Variants in GREP1 observed in about 807,000 individuals in gnomAD.
GREP1 encodes the protein glycine rich extracellular protein 1.
rs2072464071 is a variant in GREP1, at chr16:3,001,884, GA to G, written c.*299del. ...GACTCGATCAACGCCTGCCCTCAGG[GA>G]GGGCATCACTTGGTGACCGCCTAGC... On this transcript the variant is annotated 3_prime_UTR_variant, in exon 35 of 35. Transcript: ENST00000573315. 3 of 368,040 alleles carry G rather than the reference GA, an allele frequency of 8.2e-6. No homozygotes were observed. The East Asian group carries it at 1.2e-4, about 14-fold the overall frequency. The allele number at this position is 368,040 out of a possible 1,614,324, so 22.8% of individuals were successfully genotyped here. A position where few individuals can be genotyped will look rare whatever the true frequency, so the allele number is the denominator to read the frequency against.
intron 10 of GREP1, 63 bp downstream of exon 11, chr16:2,993,026 G>A (rs1267318623): frequency 2.5e-6 from 1 of 398,424 alleles, no homozygotes; most frequent in Non-Finnish European, 4.4e-6. Context: ...TGCTTCCCTA[G>A]AGTCCCTGAT....
chr16:2,995,855 A>G lies in GREP1; in HGVS notation c.623-2A>G, dbSNP rs2072421974. 5.0e-6 allele frequency: 2 copies of G among 397,976 alleles called. No individual in the cohort carries two copies. The highest frequency in any genetic ancestry group is 4.4e-6 in the Non-Finnish European group (1 of 225,952). The allele number at this position is 397,976 out of a possible 1,614,324, so 24.7% of individuals were successfully genotyped here. On this transcript the variant is annotated splice_acceptor_variant, in intron 17 of 34. Transcript: ENST00000573315. LOFTEE classifies it high-confidence loss of function. ...CTCTACTCATGCTCCCTCCCTCTCC[A>G]GGATATGGGAAAAGGCTGAGAGCAG...
chr16:3,001,592 G>A (rs1046745050), exon 35 of GREP1: 2 of 399,140 alleles, frequency 5.0e-6, no homozygotes, highest in Non-Finnish European at 8.8e-6. Flanking sequence ...GCTGAGCACT[G>A]CAATGCCCCT....
chr16:2,997,594 A>G (rs2072432479), intron 22 of GREP1, among the ~76,000 whole-genome samples: 1 of 151,688 alleles, frequency 6.6e-6, no homozygotes, highest in African/African-American at 2.4e-5. Context: ...CCAGTTCCTA[A>G]ATTGGGAGGA....
At chr16:2,990,560 A>C (rs893889706) in exon 7 of GREP1, 9 of 399,026 alleles carry the variant, frequency 2.3e-5, no homozygotes, top group Non-Finnish European at 3.5e-5. Context: ...AGGGTTCAGG[A>C]CCTTCGCAGG....
rs2072415643 is a variant in GREP1 at position 2,994,696 on chromosome 16, A to C, written c.386-2A>C. 5.0e-6 allele frequency: 2 copies of C among 398,558 alleles called. No homozygotes were observed. The highest frequency in any genetic ancestry group is 8.9e-6 in the Non-Finnish European group (2 of 225,888). The allele number at this position is 398,558 out of a possible 1,614,324, so 24.7% of individuals were successfully genotyped here. A position where few individuals can be genotyped will look rare whatever the true frequency, so the allele number is the denominator to read the frequency against. Reference sequence around the variant, plus strand: ...GGCCTTAACCCTTTCTCTCCTCCACAGGCCCCACCACTCAAAATGGCTATA... The same window carrying C: ...GGCCTTAACCCTTTCTCTCCTCCACCGGCCCCACCACTCAAAATGGCTATA... On this transcript the variant is annotated splice_acceptor_variant, in intron 10 of 34. Coordinates refer to ENST00000573315, the Ensembl canonical transcript of GREP1. LOFTEE classifies it high-confidence loss of function.
In GREP1 at chr16:2,992,894, G is replaced by A. The variant is rs2072406070; in HGVS notation, c.353-37G>A. The A allele has an allele frequency of 2.5e-6, 1 of 399,096 alleles. No homozygotes were observed. The allele number at this position is 399,096 out of a possible 1,614,324, so 24.7% of individuals were successfully genotyped here. A position where few individuals can be genotyped will look rare whatever the true frequency, so the allele number is the denominator to read the frequency against. On this transcript the variant is annotated intron_variant, in intron 9 of 34. Coordinates refer to ENST00000573315, the Ensembl canonical transcript of GREP1. The surrounding 1 kb of genome is among the most constrained non-coding windows in gnomAD (Gnocchi z 4.9). ...GGCTGAGATTCTGGGCACAGGCCCAGAGGAAAGGATCCCTCACCCTCTCAT... is the reference window on the plus strand; with the variant it reads ...GGCTGAGATTCTGGGCACAGGCCCAAAGGAAAGGATCCCTCACCCTCTCAT...
At chr16:2,997,425 G>A (rs555763701) in intron 22 of GREP1, 23 of 398,846 alleles carry the variant, frequency 5.8e-5, no homozygotes, top group African/African-American at 3.7e-4. Context: ...GCAGGTACTG[G>A]GGGGCTGGAG....
Position 2,989,874 on chromosome 16 carries a change from G to T in GREP1, c.131-100G>T. 2.5e-6 allele frequency: 1 copy of T among 398,790 alleles called. No homozygotes were observed. The highest frequency in any genetic ancestry group is 1.3e-4 in the South Asian group (1 of 7,706). The allele number at this position is 398,790 out of a possible 1,614,324, so 24.7% of individuals were successfully genotyped here. On this transcript the variant is annotated intron_variant, in intron 3 of 34. Transcript: ENST00000573315. This position sits in a 1 kb window ranked among gnomAD's most constrained non-coding sequence, Gnocchi z 4.2. ...CCCTCCCCCATCATGGGAAGGGACT[G>T]AGTTCCCACAGGCCCACTGCTTGGA... is the stretch of plus-strand genomic sequence containing the variant.
At chr16:3,000,220 C>A in intron 29 of GREP1, 102 bp downstream of exon 26, 1 of 399,480 alleles carries the variant, frequency 2.5e-6, no homozygotes, top group South Asian at 1.3e-4. Context: ...ATGAGCTGGT[C>A]ACCTGGCCCT....
intron 22 of GREP1, among the ~76,000 whole-genome samples, chr16:2,997,590 C>G (rs916897141): frequency 6.6e-6 from 1 of 151,868 alleles, no homozygotes; most frequent in East Asian, 1.9e-4. Flanking sequence ...AGCTCCAGTT[C>G]CTAAATTGGG....
In GREP1 at chr16:2,989,766, G is replaced by T. The variant is rs1047936963; in HGVS notation, c.131-208G>T. ...GGCAGGAAGAAATGGAGCGGGGAGGGAAGAAAGGAAAGAGAGCAGAAAGGA... is the reference window on the plus strand; with the variant it reads ...GGCAGGAAGAAATGGAGCGGGGAGGTAAGAAAGGAAAGAGAGCAGAAAGGA... On this transcript the variant is annotated intron_variant, in intron 3 of 34. Transcript: ENST00000573315. The surrounding 1 kb of genome is among the most constrained non-coding windows in gnomAD (Gnocchi z 4.2). 6.6e-6 allele frequency among the ~76,000 whole-genome samples: 1 copy of T among 152,028 alleles called. No homozygotes were observed. The highest frequency in any genetic ancestry group is 1.5e-5 in the Non-Finnish European group (1 of 67,952).
chr16:2,997,320 A>T, intron 21 of GREP1: 1 of 398,466 alleles, frequency 2.5e-6, no homozygotes, highest in Non-Finnish European at 4.4e-6. Flanking sequence ...CTGAAAGGGG[A>T]TCCAAAGGCC....
chr16:2,997,460 AAG>A (rs1330076755), intron 22 of GREP1: 1 of 398,882 alleles, frequency 2.5e-6, no homozygotes, highest in Non-Finnish European at 4.4e-6. Flanking sequence ...GAAAGGAGGA[AAG>A]AGGTGGGGGC....
In GREP1 at chr16:2,991,368, G is replaced by A. The variant is rs536285218; in HGVS notation, c.322+267G>A. On this transcript the variant is annotated intron_variant, in intron 8 of 34. Transcript: ENST00000573315. The surrounding 1 kb of genome is among the most constrained non-coding windows in gnomAD (Gnocchi z 4.9). ...CCCACCGCTCATGGCCCTCACCAATGTCTCCCCAGGATTGGGGAGCAGAAG... is the reference window on the plus strand; with the variant it reads ...CCCACCGCTCATGGCCCTCACCAATATCTCCCCAGGATTGGGGAGCAGAAG... 1.2e-4 allele frequency: 43 copies of A among 356,974 alleles called. No individual in the cohort carries two copies. The highest frequency in any genetic ancestry group is 8.6e-4 in the African/African-American group (41 of 47,802). The allele number at this position is 356,974 out of a possible 1,614,324, so 22.1% of individuals were successfully genotyped here.
exon 7 of GREP1, chr16:2,990,556 C>T: frequency 2.5e-6 from 1 of 399,492 alleles, no homozygotes. Flanking sequence ...CCCCAGGGTT[C>T]AGGACCTTCG....
chr16:2,993,115 G>A, intron 10 of GREP1, 152 bp downstream of exon 11: 1 of 394,736 alleles, frequency 2.5e-6, no homozygotes, highest in Non-Finnish European at 4.5e-6. Flanking sequence ...CTGGGAGCTG[G>A]AACCCAGGCA....
rs35368761 is a variant in GREP1 at position 2,999,479 on chromosome 16, CTTTTTTTTTTTT to C, written c.1189+193_1189+204del. 3.6e-4 allele frequency among the ~76,000 whole-genome samples: 27 copies of C among 75,540 alleles called. No homozygotes were observed. In the East Asian group the frequency reaches 9.9e-3, roughly 28 times the overall value. 49.6% of individuals were successfully genotyped at this position (75,540 alleles called of 152,430 possible). ...CCCTCCCCGAGTCTACCCTCTTGCT[CTTTTTTTTTTTT>C]TTTTTTTTTTTTTGAGACAGTCTCG... On this transcript the variant is annotated intron_variant, in intron 27 of 34. Transcript: ENST00000573315.
chr16:2,993,821 G>A (rs997201203), intron 10 of GREP1: 7 of 152,256 alleles, frequency 4.6e-5, no homozygotes, highest in South Asian at 2.1e-4. Flanking sequence ...TCAGTCGGGC[G>A]TGGTAGTGGG....
Sources: gnomAD v4.1 joint callset for allele counts (sites outside exome capture counted in the v4.1 genomes callset) on GRCh38, gnomAD v4.1.1 for gene constraint, Gnocchi (gnomAD v3.1) non-coding constraint, MANE v1.5 for transcripts, NCBI Gene and HGNC (gene_info 2026-07-23, HGNC 2026-07-21) for gene names.